KLHL2: variants seen among roughly 807,000 people sequenced by gnomAD.
The protein encoded by KLHL2 is kelch like family member 2, also known as kelch-like protein 2.
KLHL2 carries 15 observed loss-of-function variants against 75.8 expected under a neutral mutation model. The observed-to-expected ratio is 0.20, with a 90% CI of 0.13 to 0.30. The LOEUF (loss-of-function observed/expected upper bound fraction) is 0.30. KLHL2 is among the 10% of genes least tolerant of loss of function. The pLI, the probability that KLHL2 is intolerant of heterozygous loss-of-function variation, is 1.00. For synonymous variants in KLHL2, 214 were observed against 251.9 expected (o/e 0.85, Z 1.42); for missense variants, 381 against 741.0 (o/e 0.51, Z 5.64).
chr4:165,239,909 A>G (rs1739675090), intron 4 of KLHL2, among the ~76,000 whole-genome samples: 2 of 152,166 alleles, frequency 1.3e-5, no homozygotes, highest in Admixed American at 6.5e-5. Flanking sequence ...TTGTTCTGAA[A>G]CTTGCTTTTT....
In KLHL2 at chr4:165,302,681, T is replaced by A. The variant is rs1262659460; in HGVS notation, c.922-2927T>A. Among the ~76,000 whole-genome samples the A allele has an allele frequency of 3.3e-5, 5 of 152,264 alleles. No homozygotes were observed. The East Asian group carries it at 9.6e-4, about 29-fold the overall frequency. On this transcript the variant is annotated intron_variant, in intron 8 of 14. Transcript: ENST00000226725. ...TGTATTTTTATAAGGGCTGTCATAT[T>A]TCTGGGTATATATTATATTTTAAAA...
chr4:165,263,429 C>A (rs1358038964), intron 5 of KLHL2, 70 bp downstream of exon 5: 4 of 1,578,072 alleles, frequency 2.5e-6, no homozygotes, highest in Non-Finnish European at 2.6e-6. Flanking sequence ...CCACAGTGGT[C>A]TCTGGAAAGT....
intron 8 of KLHL2, among the ~76,000 whole-genome samples, chr4:165,301,472 C>CTAG (rs1232815381): frequency 5.3e-5 from 8 of 152,206 alleles, no homozygotes; most frequent in African/African-American, 1.9e-4. Context: ...AGTACATTAG[C>CTAG]TAGTTCCCTT....
chr4:165,290,743 G>A (rs1579133253), intron 5 of KLHL2, among the ~76,000 whole-genome samples: 1 of 152,252 alleles, frequency 6.6e-6, no homozygotes, highest in East Asian at 1.9e-4. Context: ...TGAGCCTGGA[G>A]GTTCACCTGA....
chr4:165,312,207 C>G (rs543889911), intron 11 of KLHL2, among the ~76,000 whole-genome samples: 1 of 152,242 alleles, frequency 6.6e-6, no homozygotes, highest in South Asian at 2.1e-4. Flanking sequence ...TAACAGGTTC[C>G]AGACAGGTAC....
At chr4:165,278,547 A>G (rs758312004) in intron 5 of KLHL2, 16 of 1,611,032 alleles carry the variant, frequency 9.9e-6, no homozygotes, top group Middle Eastern at 1.7e-4. Flanking sequence ...GGTGCATATA[A>G]CCCCGAAAAT....
chr4:165,241,714 CAGTT>C (rs1739831970), intron 4 of KLHL2, among the ~76,000 whole-genome samples: 1 of 152,162 alleles, frequency 6.6e-6, no homozygotes, highest in Non-Finnish European at 1.5e-5. Flanking sequence ...TGTTGGCAGT[CAGTT>C]GGCGACAGAA....
intron 7 of KLHL2, 128 bp from the exon 8 acceptor site, chr4:165,299,374 TTCCTC>T (rs749173625): frequency 2.7e-5 from 20 of 735,598 alleles, no homozygotes; most frequent in Admixed American, 7.1e-5. Flanking sequence ...TTTATAAACT[TTCCTC>T]GTTTATTTTT....
At chr4:165,236,518 T>G (rs1363797073) in intron 3 of KLHL2, among the ~76,000 whole-genome samples, 4 of 152,204 alleles carry the variant, frequency 2.6e-5, no homozygotes, top group African/African-American at 9.7e-5. Context: ...CACCTGACTC[T>G]CATTCATAGT....
At chr4:165,292,309 T>A (rs2126481806) in intron 5 of KLHL2, among the ~76,000 whole-genome samples, 2 of 151,848 alleles carry the variant, frequency 1.3e-5, no homozygotes, top group Middle Eastern at 3.4e-3. Context: ...GCTGCTTGTT[T>A]TTTTTATAGT....
At chr4:165,265,320 A>C (rs1369545105) in intron 5 of KLHL2, among the ~76,000 whole-genome samples, 1 of 151,840 alleles carries the variant, frequency 6.6e-6, no homozygotes, top group Admixed American at 6.6e-5. Context: ...CTCCCATTCT[A>C]TAGGTTGTGT....
intron 2 of KLHL2, among the ~76,000 whole-genome samples, chr4:165,221,621 A>C (rs541034284): frequency 1.3e-5 from 2 of 152,262 alleles, no homozygotes; most frequent in African/African-American, 4.8e-5. Context: ...GCCAGTGGAG[A>C]GTGTTAAGCG....
chr4:165,258,777 CA>C (rs1251132198), intron 4 of KLHL2, among the ~76,000 whole-genome samples: 1 of 152,168 alleles, frequency 6.6e-6, no homozygotes, highest in African/African-American at 2.4e-5. Flanking sequence ...ATGATAGCTC[CA>C]GATTAAAGCA....
chr4:165,279,418 T>C lies in KLHL2; in HGVS notation c.545-14941T>C, dbSNP rs552397325. 2.5e-6 allele frequency: 4 copies of C among 1,598,022 alleles called. No individual in the cohort carries two copies. The African/African-American group carries it at 4.0e-5, about 16-fold the overall frequency. On this transcript the variant is annotated intron_variant, in intron 5 of 14. Transcript: ENST00000226725. ...TGTTGGAAATACCAATATTGAGCTG[T>C]CCAAGTTTCTCACATGTTTTCTCTA...
At chr4:165,311,373 C>T (rs1433674770) in intron 10 of KLHL2, 91 bp from the exon 11 acceptor site, 5 of 812,140 alleles carry the variant, frequency 6.2e-6, no homozygotes, top group South Asian at 1.9e-5. Context: ...TAATTTTAGC[C>T]CAGTATAACA....
At chr4:165,228,319 A>G (rs1238200838) in intron 2 of KLHL2, among the ~76,000 whole-genome samples, 1 of 152,172 alleles carries the variant, frequency 6.6e-6, no homozygotes, top group African/African-American at 2.4e-5. Context: ...TTAAGCAGCA[A>G]GTGTAACTGA....
At chr4:165,249,855 T>TG (rs1216843270) in intron 4 of KLHL2, among the ~76,000 whole-genome samples, 1 of 152,210 alleles carries the variant, frequency 6.6e-6, no homozygotes, top group African/African-American at 2.4e-5. Context: ...CCGGGTACGG[T>TG]GGCTCACGCC....
chr4:165,221,998 G>C (rs1738033002), intron 2 of KLHL2, among the ~76,000 whole-genome samples: 1 of 152,030 alleles, frequency 6.6e-6, no homozygotes. Flanking sequence ...TAAAAAGACT[G>C]ACTTTTAATA....
rs1202463731 is a variant in KLHL2 at position 165,297,626 on chromosome 4, A to T, written c.672A>T (p.Ile224=). ...SSEEKVFEAV[I]AWVNHDKDVR... ...TCTGCAAGGTATTTGAAGCAGTAAT[A>T]GCATGGGTGAACCATGACAAGGATG... The change falls in exon 7 of 15, where the codon ATA becomes ATT. Residue 224 remains isoleucine, a synonymous_variant. Transcript: ENST00000226725. 6.2e-7 allele frequency: 1 copy of T among 1,609,590 alleles called. No homozygotes were observed. Among genetic ancestry groups the T allele is most frequent in the South Asian group, 1.1e-5 (1 of 90,970 alleles).
Sources: gnomAD v4.1 joint callset for allele counts (sites outside exome capture counted in the v4.1 genomes callset) on GRCh38, gnomAD v4.1.1 for gene constraint, MANE v1.5 for transcripts, NCBI Gene and HGNC (gene_info 2026-07-23, HGNC 2026-07-21) for gene names.